ABR: variants seen among roughly 807,000 people sequenced by gnomAD.
The protein encoded by ABR is ABR activator of RhoGEF and GTPase, also known as active breakpoint cluster region-related protein.
Under a neutral mutation model 107.2 loss-of-function variants are expected in ABR, and 35 were observed. That is an observed-to-expected ratio of 0.33 (90% CI 0.25 to 0.43). The LOEUF (loss-of-function observed/expected upper bound fraction) is 0.43. Among genes scored for constraint, ABR ranks in the 20% least tolerant of loss-of-function variants. The pLI, the probability that ABR is intolerant of heterozygous loss-of-function variation, is 1.00. For synonymous variants in ABR, 498 were observed against 462.0 expected, an observed-to-expected ratio of 1.08 and a Z score of -1.00; for missense variants, 815 against 1,115.2, an observed-to-expected ratio of 0.73 and a Z score of 3.83.
chr17:1,155,221 C>T (rs1030525605), intron 1 of ABR, among the ~76,000 whole-genome samples: 2 of 152,094 alleles, frequency 1.3e-5, no homozygotes, highest in African/African-American at 4.8e-5. Context: ...CACAGATCCA[C>T]GGAGTCACGT....
chr17:1,123,882 C>G (rs1242099875), intron 2 of ABR, among the ~76,000 whole-genome samples: 2 of 152,206 alleles, frequency 1.3e-5, no homozygotes, highest in South Asian at 4.1e-4. Context: ...ACCCTGCCCC[C>G]GCAGGTCCGA....
intron 1 of ABR, among the ~76,000 whole-genome samples, chr17:1,128,322 A>G (rs1449863989): frequency 6.6e-6 from 1 of 152,256 alleles, no homozygotes; most frequent in African/African-American, 2.4e-5. Context: ...ACAGGTGGGT[A>G]TGCTGAGCAG....
At chr17:1,063,009 T>C (rs373329336) in intron 10 of ABR, among the ~76,000 whole-genome samples, 15 of 130,196 alleles carry the variant, frequency 1.2e-4, no homozygotes, top group African/African-American at 3.6e-4. Flanking sequence ...ACTGTTGTTA[T>C]GTGAACTGAG....
At position 1,116,206 on chromosome 17, in the gene ABR, G is replaced by A. The variant is rs184653897; in HGVS notation, c.246+8977C>T. 2.4e-3 allele frequency among the ~76,000 whole-genome samples: 373 copies of A among 152,286 alleles called. 4 individuals are homozygous for A. Among genetic ancestry groups the A allele is most frequent in the Non-Finnish European group, 3.9e-3 (268 of 68,018 alleles). On this transcript the variant is annotated intron_variant, in intron 2 of 22. Transcript: ENST00000302538. ...CTGGACTCCAGCCTGGGTGACAGAG[G>A]GAGACGCCATCTCAAATAAATAAAT...
chr17:1,221,908 A>T (rs1567902928), intron 1 of ABR, among the ~76,000 whole-genome samples: 1 of 152,214 alleles, frequency 6.6e-6, no homozygotes, highest in Non-Finnish European at 1.5e-5. Context: ...TAAGTAAAAA[A>T]GGAGAGAAAG....
At chr17:1,163,234 G>A (rs116166728) in intron 1 of ABR, among the ~76,000 whole-genome samples, 444 of 152,306 alleles carry the variant, frequency 2.9e-3, no homozygotes, top group African/African-American at 0.01. Flanking sequence ...CACAGCAAGC[G>A]CTAGGCTAAC....
chr17:1,132,216 A>C (rs868644340), intron 1 of ABR, among the ~76,000 whole-genome samples: 1 of 148,446 alleles, frequency 6.7e-6, no homozygotes, highest in Non-Finnish European at 1.5e-5. Context: ...CACACACACA[A>C]AGACACGCAC....
At position 1,200,004 on chromosome 17, in the gene ABR, A is replaced by G. The variant is rs1342240382; in HGVS notation, c.838+28789T>C. Among the ~76,000 whole-genome samples the G allele has an allele frequency of 1.3e-5, 2 of 151,984 alleles. No individual in the cohort carries two copies. Among genetic ancestry groups the G allele is most frequent in the East Asian group, 1.9e-4 (1 of 5,174 alleles). ...TCTGTTACATATGTATACATGTGCC[A>G]TGTTGGTGTGCTGCAACCATAGAGC... On this transcript the variant is annotated intron_variant, in intron 1 of 22. Coordinates refer to the ABR transcript ENST00000574139. This position sits in a 1 kb window ranked among gnomAD's most constrained non-coding sequence, Gnocchi z 4.1.
At position 1,083,532 on chromosome 17, in the gene ABR, C is replaced by T; in HGVS notation, c.627G>A (p.Gln209=). Reference sequence around the variant, plus strand: ...GGGAGCGGCCTACCTCTGAGATCTTCTGGAACTGGTTGTTGGACTGGCTGC... The same window carrying T: ...GGGAGCGGCCTACCTCTGAGATCTTTTGGAACTGGTTGTTGGACTGGCTGC... ...EKCSQSNNQF[Q]KISEELKVKG... is the part of the protein sequence containing the mutation. Residue 209 remains glutamine, a synonymous_variant, in exon 5 of 23, where the codon CAG becomes CAA. Transcript: ENST00000302538. The T allele has an allele frequency of 1.2e-6, 2 of 1,607,728 alleles. No individual in the cohort carries two copies. The highest frequency in any genetic ancestry group is 1.7e-6 in the Non-Finnish European group (2 of 1,175,434).
upstream of ABR, among the ~76,000 whole-genome samples, chr17:1,182,689 C>A (rs1171307884): frequency 6.6e-6 from 1 of 152,178 alleles, no homozygotes. Context: ...AAACACCACG[C>A]ATACTGCCTC....
At position 1,020,080 on chromosome 17, in the gene ABR, T is replaced by G. The variant is rs139119312; in HGVS notation, c.1792-6916A>C. ...ACATGGTCACTGAGAGCAGCTCAAC[T>G]ATTTCCTTCTTTTTTTTTTTTGAGA... On this transcript the variant is annotated intron_variant, in intron 16 of 22. Transcript: ENST00000302538. Among the ~76,000 whole-genome samples, 235 of 151,980 alleles carry G rather than the reference T, an allele frequency of 1.5e-3. 6 individuals carry two copies. The East Asian group carries it at 0.035, about 22-fold the overall frequency.
At chr17:1,159,868 G>A (rs562703860) in intron 1 of ABR, among the ~76,000 whole-genome samples, 2 of 152,358 alleles carry the variant, frequency 1.3e-5, no homozygotes, top group East Asian at 3.9e-4. Flanking sequence ...GCTGAGGAGG[G>A]AGGCCCAGGG....
At chr17:1,141,470 G>A (rs1351915481) in intron 1 of ABR, among the ~76,000 whole-genome samples, 1 of 152,142 alleles carries the variant, frequency 6.6e-6, no homozygotes, top group Non-Finnish European at 1.5e-5. Flanking sequence ...CTAAAATGAG[G>A]ATAAAAACAA....
intron 1 of ABR, among the ~76,000 whole-genome samples, chr17:1,146,515 T>G (rs2040532374): frequency 1.3e-5 from 2 of 152,166 alleles, no homozygotes; most frequent in Admixed American, 1.3e-4. Flanking sequence ...GCGGGGCACA[T>G]GAAGATGACC....
upstream of ABR, among the ~76,000 whole-genome samples, chr17:1,180,580 G>T (rs1033730670): frequency 2.0e-5 from 3 of 152,196 alleles, no homozygotes; most frequent in Non-Finnish European, 2.9e-5. Context: ...TGCCCCTCCT[G>T]GGCGGAGGAC....
At chr17:1,198,108 C>T (rs2042604310) in intron 1 of ABR, among the ~76,000 whole-genome samples, 1 of 151,674 alleles carries the variant, frequency 6.6e-6, no homozygotes, top group South Asian at 2.1e-4. Context: ...TGCCCCCTGC[C>T]ACAACTAACC....
chr17:1,180,698 C>G (rs375291679), upstream of ABR, among the ~76,000 whole-genome samples: 3 of 152,340 alleles, frequency 2.0e-5, no homozygotes, highest in South Asian at 6.2e-4. Flanking sequence ...GCATCATCAC[C>G]TAGAAATGGT....
chr17:1,122,193 G>A (rs1786250941), intron 2 of ABR, among the ~76,000 whole-genome samples: 2 of 152,138 alleles, frequency 1.3e-5, no homozygotes, highest in African/African-American at 4.8e-5. Context: ...GTGAGCCACC[G>A]CGCCCAGCCT....
chr17:1,011,602 T>G lies in ABR; in HGVS notation c.2101+244A>C. On this transcript the variant is annotated intron_variant, in intron 19 of 22. Transcript: ENST00000302538. The surrounding 1 kb of genome is among the most constrained non-coding windows in gnomAD (Gnocchi z 4.8). ...GAGTTTTAAGTCCAGAACCAAAACCTACAAGTTGGGTCATCCTGGGCAAGT... is the reference window on the plus strand; with the variant it reads ...GAGTTTTAAGTCCAGAACCAAAACCGACAAGTTGGGTCATCCTGGGCAAGT... 1 of 380,582 alleles carries G rather than the reference T, an allele frequency of 2.6e-6. No individual in the cohort carries two copies. The highest frequency in any genetic ancestry group is 4.1e-5 in the East Asian group (1 of 24,640). 23.6% of individuals were successfully genotyped at this position (380,582 alleles called of 1,614,324 possible).
Sources: gnomAD v4.1 joint callset for allele counts (sites outside exome capture counted in the v4.1 genomes callset) on GRCh38, gnomAD v4.1.1 for gene constraint, Gnocchi (gnomAD v3.1) non-coding constraint, MANE v1.5 for transcripts, NCBI Gene and HGNC (gene_info 2026-07-23, HGNC 2026-07-21) for gene names.